The following MEIOB variants were observed in gnomAD, a reference collection of about 807,000 sequenced individuals.
MEIOB encodes meiosis specific with OB-fold, also known as meiosis-specific with OB domain-containing protein.
MEIOB carries 50 observed loss-of-function variants against 53.1 expected under a neutral mutation model. That is an observed-to-expected ratio of 0.94 (90% CI 0.75 to 1.19). MEIOB has a LOEUF of 1.19. MEIOB is among the 50% of genes most tolerant of loss of function. The pLI is 0.00. For missense variants in MEIOB, 551 were observed against 550.8 expected (o/e 1.00, Z 0.00); for synonymous variants, 192 against 182.5 (o/e 1.05, Z -0.42).
At chr16:1,850,691 CA>C (rs771240034) in intron 9 of MEIOB, among the ~76,000 whole-genome samples, 7 of 152,052 alleles carry the variant, frequency 4.6e-5, no homozygotes, top group Non-Finnish European at 5.9e-5. Context: ...GAGGCTGAGG[CA>C]GGCAGATCAC....
chr16:1,836,470 C>T (rs900416790), intron 13 of MEIOB, among the ~76,000 whole-genome samples: 1 of 152,144 alleles, frequency 6.6e-6, no homozygotes. Context: ...GGTCAAGGAC[C>T]TAAGCATGCC....
Position 1,834,374 on chromosome 16 carries a change from G to A in MEIOB, c.1306-8C>T. ...TCTGTGTGATAGAACGAACTGCGAG[G>A]AGAAACAGAAAAAGAGACAAAAGGT... On this transcript the variant is annotated splice_polypyrimidine_tract_variant and splice_region_variant and intron_variant, in intron 13 of 13. Coordinates refer to ENST00000325962, the MANE Select transcript of MEIOB (RefSeq NM_001163560.3). 6.8e-7 allele frequency: 1 copy of A among 1,463,268 alleles called. No homozygotes were observed. 90.6% of individuals were successfully genotyped at this position (1,463,268 alleles called of 1,614,324 possible).
At position 1,851,908 on chromosome 16, in the gene MEIOB, C is replaced by T. The variant is rs929757536; in HGVS notation, c.778+1131G>A. ...CATTTCTTTAGCAGTACTGGCTTGA[C>T]GGTTATGTCTGCACTATAAAGCACC... On this transcript the variant is annotated intron_variant, in intron 9 of 13. Transcript: ENST00000325962. 1.8e-4 allele frequency among the ~76,000 whole-genome samples: 27 copies of T among 152,116 alleles called. 1 individual carries two copies. Among genetic ancestry groups the T allele is most frequent in the Admixed American group, 3.3e-4 (5 of 15,250 alleles).
intron 6 of MEIOB, among the ~76,000 whole-genome samples, chr16:1,855,795 C>G (rs1020504216): frequency 6.6e-6 from 1 of 152,214 alleles, no homozygotes; most frequent in Admixed American, 6.5e-5. Context: ...TATACAGATG[C>G]TCCCCAGGTG....
chr16:1,854,326 A>G (rs1596976322), intron 6 of MEIOB, 126 bp from the exon 7 acceptor site: 2 of 596,196 alleles, frequency 3.4e-6, no homozygotes, highest in Non-Finnish European at 6.0e-6. Context: ...AGCAAGAACC[A>G]GTAATATATA....
chr16:1,867,093 A>G (rs1000910237), intron 2 of MEIOB, among the ~76,000 whole-genome samples: 4 of 152,154 alleles, frequency 2.6e-5, no homozygotes, highest in Admixed American at 6.5e-5. Context: ...ATATTTTAAA[A>G]TTTTAAATTA....
intron 10 of MEIOB, chr16:1,843,324 A>G (rs1898959492): frequency 6.6e-6 from 1 of 151,938 alleles, no homozygotes; most frequent in Non-Finnish European, 1.5e-5. Flanking sequence ...TAATAAATAA[A>G]TAAAGTACAT....
intron 9 of MEIOB, among the ~76,000 whole-genome samples, chr16:1,851,582 C>A (rs765558894): frequency 6.6e-6 from 1 of 152,160 alleles, no homozygotes; most frequent in African/African-American, 2.4e-5. Context: ...CAGTGAAGAG[C>A]AATTCGGGGC....
rs888789154 is a variant in MEIOB, at chr16:1,872,081, C to A, written c.-98G>T. 1 of 151,638 alleles carries A rather than the reference C, an allele frequency of 6.6e-6. No individual in the cohort carries two copies. Among genetic ancestry groups the A allele is most frequent in the Admixed American group, 6.6e-5 (1 of 15,232 alleles). The allele number at this position is 151,638 out of a possible 1,614,324, so 9.4% of individuals were successfully genotyped here. On this transcript the variant is annotated 5_prime_UTR_variant, in exon 1 of 14. Coordinates refer to ENST00000325962, the MANE Select transcript of MEIOB (RefSeq NM_001163560.3). ...TGGCCCGCCCGACCCCCGGGTCGCC[C>A]GCGCTTCGCGGCTTCTCCACAGGAC... is the stretch of plus-strand genomic sequence containing the variant.
Position 1,868,121 on chromosome 16 carries a change from T to C in MEIOB, c.55A>G (p.Asn19Asp). The change falls in exon 2 of 14, where the codon AAT (asparagine) becomes GAT (aspartate). Residue 19 changes from asparagine to aspartate, a missense_variant. Transcript: ENST00000325962. ...IFTTLSDLQT[N>D]MANLKVIGIV... is the part of the protein sequence containing the mutation. ...TTGAAACCTACCAGATTAGCCATAT[T>C]TGTCTGCAGATCTGAAAGGGTAGTG... The C allele has an allele frequency of 6.5e-7, 1 of 1,527,148 alleles. No individual in the cohort carries two copies. Among genetic ancestry groups the C allele is most frequent in the Non-Finnish European group, 8.9e-7 (1 of 1,128,092 alleles). 94.6% of individuals were successfully genotyped at this position (1,527,148 alleles called of 1,614,324 possible).
At chr16:1,853,642 T>C (rs1899225483) in intron 7 of MEIOB, among the ~76,000 whole-genome samples, 1 of 152,212 alleles carries the variant, frequency 6.6e-6, no homozygotes. Flanking sequence ...CTTGATGGGT[T>C]GAAGACATTT....
At chr16:1,869,455 A>T (rs565566877) in intron 1 of MEIOB, among the ~76,000 whole-genome samples, 1 of 146,736 alleles carries the variant, frequency 6.8e-6, no homozygotes, top group Non-Finnish European at 1.5e-5. Flanking sequence ...TCAATAGGAC[A>T]TTTTTTTTTT....
intron 11 of MEIOB, chr16:1,840,117 T>C (rs1269426628): frequency 6.6e-6 from 1 of 152,220 alleles, no homozygotes; most frequent in African/African-American, 2.4e-5. Context: ...GAACTGAAGA[T>C]AGTGGTTTCT....
intron 1 of MEIOB, among the ~76,000 whole-genome samples, chr16:1,871,235 T>TG (rs1899734838): frequency 2.0e-5 from 3 of 151,444 alleles, no homozygotes; most frequent in Non-Finnish European, 1.5e-5. Context: ...TGTTTTGTTT[T>TG]TTGAGACAGA....
rs561632736 is a variant in MEIOB, at chr16:1,865,767, C to A, written c.127+11G>T. The A allele has an allele frequency of 1.9e-6, 3 of 1,542,494 alleles. No individual in the cohort carries two copies. Among genetic ancestry groups the A allele is most frequent in the Non-Finnish European group, 2.6e-6 (3 of 1,142,526 alleles). On this transcript the variant is annotated intron_variant, in intron 3 of 13. Coordinates refer to ENST00000325962, the MANE Select transcript of MEIOB (RefSeq NM_001163560.3). ...ATGAAAAATGAAACCAAGAGTTAAA[C>A]AGAACTCAGCTTTTTCTGTCTGGAA...
At chr16:1,835,447 CATTTT>C (rs1228958211) in intron 13 of MEIOB, among the ~76,000 whole-genome samples, 2 of 151,994 alleles carry the variant, frequency 1.3e-5, no homozygotes, top group Non-Finnish European at 2.9e-5. Context: ...CTTTAACCAA[CATTTT>C]ATTTAATATA....
intron 13 of MEIOB, among the ~76,000 whole-genome samples, chr16:1,836,786 G>A (rs1013794928): frequency 2.0e-5 from 3 of 147,204 alleles, no homozygotes. Context: ...TCATCAGCAC[G>A]CAATGTTTTC....
intron 11 of MEIOB, 63 bp from the exon 12 acceptor site, chr16:1,839,501 A>G: frequency 6.9e-7 from 1 of 1,441,234 alleles, no homozygotes; most frequent in Non-Finnish European, 9.4e-7. Context: ...CATCTGTAGC[A>G]GAAAAAGAAT....
intron 5 of MEIOB, 74 bp downstream of exon 5, chr16:1,860,329 A>G (rs1899410898): frequency 2.6e-6 from 2 of 773,564 alleles, no homozygotes; most frequent in South Asian, 3.5e-5. Context: ...TTTTAGTAAG[A>G]TCTCTGCTAA....
Sources: gnomAD v4.1 joint callset for allele counts (sites outside exome capture counted in the v4.1 genomes callset) on GRCh38, gnomAD v4.1.1 for gene constraint, MANE v1.5 for transcripts, NCBI Gene and HGNC (gene_info 2026-07-23, HGNC 2026-07-21) for gene names.